Variants in CADM2 observed in about 807,000 individuals in gnomAD.
CADM2 encodes the protein cell adhesion molecule 2.
In CADM2, 12 loss-of-function variants were observed where a neutral mutation model predicts 49.8. The ratio of observed to expected loss-of-function variants is 0.24; its 90% CI spans 0.15 to 0.39. The LOEUF (loss-of-function observed/expected upper bound fraction) is 0.39, where lower values mean the gene tolerates loss of function less well. Among genes scored for constraint, CADM2 ranks in the 10% least tolerant of loss-of-function variants. The pLI is 1.00. For synonymous variants in CADM2, 214 were observed against 175.4 expected (o/e 1.22, Z -1.74); for missense variants, 378 against 492.3 (o/e 0.77, Z 2.20).
At chr3:85,719,625 ATCT>A (rs1406054268) in intron 1 of CADM2, among the ~76,000 whole-genome samples, 1 of 151,434 alleles carries the variant, frequency 6.6e-6, no homozygotes, top group Non-Finnish European at 1.5e-5. Flanking sequence ...CTGAATCCTC[ATCT>A]TCTTCACATT....
At chr3:86,000,426 G>T (rs889441620) in intron 8 of CADM2, among the ~76,000 whole-genome samples, 1 of 152,032 alleles carries the variant, frequency 6.6e-6, no homozygotes, top group Non-Finnish European at 1.5e-5. Context: ...TGTAAACTCT[G>T]GGGAAAGAAT....
At chr3:85,334,250 C>T (rs2045015767) in intron 1 of CADM2, among the ~76,000 whole-genome samples, 2 of 151,464 alleles carry the variant, frequency 1.3e-5, no homozygotes, top group Admixed American at 6.6e-5. Context: ...AAAACTGCCT[C>T]AGGTAGTTGG....
chr3:85,565,600 CTG>C (rs1389948219), intron 1 of CADM2, among the ~76,000 whole-genome samples: 1 of 151,986 alleles, frequency 6.6e-6, no homozygotes, highest in East Asian at 1.9e-4. Context: ...TCATATCTCT[CTG>C]TGAATCATAT....
At chr3:85,997,641 A>C (rs1045670323) in intron 8 of CADM2, among the ~76,000 whole-genome samples, 5 of 152,214 alleles carry the variant, frequency 3.3e-5, no homozygotes, top group African/African-American at 1.2e-4. Flanking sequence ...TCATTGGGAT[A>C]CTTGTGCAAT....
chr3:85,362,163 C>A (rs1195817324), intron 1 of CADM2, among the ~76,000 whole-genome samples: 4 of 152,114 alleles, frequency 2.6e-5, no homozygotes, highest in Non-Finnish European at 5.9e-5. Flanking sequence ...TCTCAGATCT[C>A]CCTGCAGTAA....
At chr3:85,956,706 G>C (rs1240450833) in intron 7 of CADM2, among the ~76,000 whole-genome samples, 2 of 143,712 alleles carry the variant, frequency 1.4e-5, no homozygotes, top group Non-Finnish European at 3.0e-5. Flanking sequence ...TTGGCAACTT[G>C]AATACTTTAT....
intron 8 of CADM2, among the ~76,000 whole-genome samples, chr3:85,974,642 C>G (rs970681403): frequency 5.9e-5 from 9 of 151,730 alleles, no homozygotes; most frequent in Non-Finnish European, 1.2e-4. Context: ...CCTGATTTGG[C>G]AAATGCGTTG....
chr3:85,076,535 A>C (rs2036951595), intron 1 of CADM2, among the ~76,000 whole-genome samples: 1 of 151,454 alleles, frequency 6.6e-6, no homozygotes, highest in Non-Finnish European at 1.5e-5. Context: ...TTTAGTAGAG[A>C]CTGGTTTTGC....
At chr3:85,519,745 G>A (rs1424915720) in intron 1 of CADM2, among the ~76,000 whole-genome samples, 1 of 152,080 alleles carries the variant, frequency 6.6e-6, no homozygotes, top group Non-Finnish European at 1.5e-5. Context: ...TAATTATAGA[G>A]TTAAAGTAAA....
intron 2 of CADM2, among the ~76,000 whole-genome samples, chr3:85,752,142 A>G (rs2068887878): frequency 3.3e-5 from 5 of 152,162 alleles, no homozygotes; most frequent in Admixed American, 3.3e-4. Flanking sequence ...CTGAAGATGC[A>G]AAAGGAGATA....
intron 8 of CADM2, among the ~76,000 whole-genome samples, chr3:86,041,743 T>G (rs1402485086): frequency 6.6e-6 from 1 of 152,190 alleles, no homozygotes; most frequent in African/African-American, 2.4e-5. Flanking sequence ...AATAGACATC[T>G]ACAGAACTTT....
At chr3:85,000,478 T>C (rs2033409548) in intron 1 of CADM2, among the ~76,000 whole-genome samples, 1 of 152,230 alleles carries the variant, frequency 6.6e-6, no homozygotes, top group East Asian at 1.9e-4. Context: ...TATTCCAAGG[T>C]TGCTAATATG....
intron 1 of CADM2, among the ~76,000 whole-genome samples, chr3:85,366,484 T>G (rs1559802671): frequency 1.3e-5 from 2 of 152,214 alleles, no homozygotes; most frequent in East Asian, 3.8e-4. Flanking sequence ...CAGAATGTTG[T>G]TTTGTGAGGC....
chr3:85,636,484 A>T (rs1012626932), intron 1 of CADM2, among the ~76,000 whole-genome samples: 9 of 152,190 alleles, frequency 5.9e-5, no homozygotes, highest in Admixed American at 5.9e-4. Flanking sequence ...ATGTATAAAA[A>T]TTTTACAGTA....
intron 1 of CADM2, among the ~76,000 whole-genome samples, chr3:85,693,578 A>G (rs988489264): frequency 1.3e-5 from 2 of 148,674 alleles, no homozygotes; most frequent in Non-Finnish European, 3.0e-5. Flanking sequence ...AAAAAAAAAA[A>G]AAAAAAGAAA....
chr3:85,094,409 A>G (rs1258135092), intron 1 of CADM2, among the ~76,000 whole-genome samples: 4 of 152,154 alleles, frequency 2.6e-5, no homozygotes. Context: ...ATATTTATTC[A>G]TATACATGCA....
intron 2 of CADM2, among the ~76,000 whole-genome samples, chr3:85,764,195 T>A (rs951497680): frequency 1.3e-5 from 2 of 152,090 alleles, no homozygotes; most frequent in Non-Finnish European, 2.9e-5. Context: ...ATTTTATAAA[T>A]ATAAAACATT....
intron 1 of CADM2, among the ~76,000 whole-genome samples, chr3:85,003,811 G>A (rs1175296570): frequency 6.6e-6 from 1 of 152,044 alleles, no homozygotes; most frequent in Non-Finnish European, 1.5e-5. Context: ...AAAGGGGATG[G>A]AAATTTATGT....
At chr3:85,599,750 AAAAT>A (rs1195155623) in intron 1 of CADM2, among the ~76,000 whole-genome samples, 2 of 151,996 alleles carry the variant, frequency 1.3e-5, no homozygotes, top group African/African-American at 4.8e-5. Flanking sequence ...GATTCTAGTA[AAAAT>A]AAATGTTCTA....
Sources: gnomAD v4.1 joint callset for allele counts (sites outside exome capture counted in the v4.1 genomes callset) on GRCh38, gnomAD v4.1.1 for gene constraint, MANE v1.5 for transcripts, NCBI Gene and HGNC (gene_info 2026-07-23, HGNC 2026-07-21) for gene names.